Variants in CYP4A22 observed in about 807,000 individuals in gnomAD.
CYP4A22 encodes cytochrome P450 family 4 subfamily A member 22, also known as cytochrome P450 4A22.
Under a neutral mutation model 56.2 loss-of-function variants are expected in CYP4A22, and 46 were observed. The observed-to-expected ratio is 0.82, with a 90% confidence interval of 0.65 to 1.05. The LOEUF (loss-of-function observed/expected upper bound fraction) is 1.05. Among genes scored for constraint, CYP4A22 ranks in the 50% least tolerant of loss-of-function variants. The probability of loss-of-function intolerance (pLI) is 0.00; values close to 1 mark genes in which losing one functional copy is unlikely to be tolerated. For missense variants in CYP4A22, 541 were observed against 645.9 expected, an observed-to-expected ratio of 0.84 and a Z score of 1.76; for synonymous variants, 193 against 251.1, an observed-to-expected ratio of 0.77 and a Z score of 2.19.
intron 3 of CYP4A22, 134 bp downstream of exon 3, chr1:47,141,749 C>G: frequency 8.2e-7 from 1 of 1,218,328 alleles, no homozygotes; most frequent in South Asian, 1.7e-5. Context: ...TTTCCCTCTT[C>G]TAACAAGACC....
intron 1 of CYP4A22, among the ~76,000 whole-genome samples, chr1:47,138,589 A>T (rs1265066048): frequency 2.6e-5 from 4 of 152,270 alleles, no homozygotes; most frequent in Non-Finnish European, 5.9e-5. Flanking sequence ...GGCCCGACAC[A>T]AATTCGTAAA....
chr1:47,143,478 G>A (rs1276541257), intron 5 of CYP4A22, 85 bp downstream of exon 5: 6 of 1,507,278 alleles, frequency 4.0e-6, no homozygotes, highest in Non-Finnish European at 5.3e-6. Context: ...GCAGCGTGAA[G>A]GCTCACCGCC....
At chr1:47,143,417 A>C in intron 5 of CYP4A22, 24 bp downstream of exon 5, 1 of 1,573,888 alleles carries the variant, frequency 6.4e-7, no homozygotes, top group Non-Finnish European at 8.6e-7. Context: ...CTCCAGCTGC[A>C]GGGCCCTTGT....
chr1:47,148,094 C>T (rs949955665), intron 11 of CYP4A22, among the ~76,000 whole-genome samples: 7 of 152,152 alleles, frequency 4.6e-5, no homozygotes, highest in African/African-American at 1.4e-4. Context: ...CTCCAGGAAG[C>T]CTCCCACTGC....
chr1:47,141,535 T>G, intron 2 of CYP4A22, 36 bp from the exon 3 acceptor site: 2 of 1,609,982 alleles, frequency 1.2e-6, no homozygotes, highest in Non-Finnish European at 1.7e-6. Context: ...TCTTAGTAAC[T>G]CCTAGTTTCC....
chr1:47,148,849 T>G lies in CYP4A22; in HGVS notation c.*52T>G. The stretch of plus-strand genomic sequence containing the variant: ...CTGACCCCCACTCCTATCTCCTGCC[T>G]GTCTGCCTCTGTCCTGCTTTCTGTC... On this transcript the variant is annotated 3_prime_UTR_variant, in exon 12 of 12. Coordinates refer to ENST00000371891, the MANE Select transcript of CYP4A22 (RefSeq NM_001010969.4). The G allele has an allele frequency of 1.3e-6, 2 of 1,545,876 alleles. No individual in the cohort carries two copies. Among genetic ancestry groups the G allele is most frequent in the African/African-American group, 2.7e-5 (2 of 73,098 alleles).
In CYP4A22 at chr1:47,143,276, G is replaced by C; in HGVS notation, c.518G>C (p.Trp173Ser). ...ADSVRVMLDK[W>S]EELLGQDSPL... is the part of the protein sequence containing the mutation. Reference sequence around the variant, plus strand: ...TGCCCCCTCCCACCACAGGACAAATGGGAAGAGCTCCTTGGCCAGGATTCC... The same window carrying C: ...TGCCCCCTCCCACCACAGGACAAATCGGAAGAGCTCCTTGGCCAGGATTCC... Residue 173 changes from tryptophan (W) to serine (S), a missense_variant, in exon 5 of 12, where the codon TGG (tryptophan) becomes TCG (serine). This residue lies in a region of CYP4A22 where 335 missense variants were observed against 361.2 expected (regional missense o/e 0.93). Transcript: ENST00000371891. 1 of 1,611,912 alleles carries C rather than the reference G, an allele frequency of 6.2e-7. No individual in the cohort carries two copies. Among genetic ancestry groups the C allele is most frequent in the Non-Finnish European group, 8.5e-7 (1 of 1,178,932 alleles).
chr1:47,140,217 G>A (rs895968187), intron 1 of CYP4A22, among the ~76,000 whole-genome samples: 3 of 152,124 alleles, frequency 2.0e-5, no homozygotes, highest in African/African-American at 7.2e-5. Flanking sequence ...CATATACTCA[G>A]ACTCCATCCC....
intron 11 of CYP4A22, chr1:47,146,668 A>G (rs889471165): frequency 2.0e-5 from 20 of 998,748 alleles, no homozygotes; most frequent in African/African-American, 8.7e-5. Context: ...CCTACCTTTC[A>G]AGCCATATAA....
rs1387916045 is a variant in CYP4A22 at position 47,137,578 on chromosome 1, G to A, written c.93G>A (p.Leu31=). Residue 31 remains leucine (L), a synonymous_variant, in exon 1 of 12, where the codon CTG becomes CTA. Coordinates refer to ENST00000371891, the MANE Select transcript of CYP4A22 (RefSeq NM_001010969.4). Reference sequence around the variant, plus strand: ...CCCTGCTCATTCTGCTTCTGCTGCTGATCAAGGCAGCTCAGCTCTACCTGC... The same window carrying A: ...CCCTGCTCATTCTGCTTCTGCTGCTAATCAAGGCAGCTCAGCTCTACCTGC... The part of the protein sequence containing the change: ...VTSLLILLLL[L]IKAAQLYLHR... 6.2e-7 allele frequency: 1 copy of A among 1,614,216 alleles called. No homozygotes were observed. The highest frequency in any genetic ancestry group is 1.7e-5 in the Admixed American group (1 of 60,018).
rs1645034428 is a variant in CYP4A22 at position 47,143,305 on chromosome 1, C to G, written c.547C>G (p.Leu183Val). The G allele has an allele frequency of 6.2e-7, 1 of 1,613,926 alleles. No homozygotes were observed. ...AGAGCTCCTTGGCCAGGATTCCCCTCTGGAGGTCTTTCAGCACGTCTCCTT... is the reference window on the plus strand; with the variant it reads ...AGAGCTCCTTGGCCAGGATTCCCCTGTGGAGGTCTTTCAGCACGTCTCCTT... The part of the protein sequence containing the change: ...WEELLGQDSP[L>V]EVFQHVSLMT... Residue 183 changes from leucine to valine, a missense_variant, in exon 5 of 12, where the codon CTG (leucine) becomes GTG (valine). This residue lies in a region of CYP4A22 where 335 missense variants were observed against 361.2 expected (regional missense o/e 0.93). Coordinates refer to ENST00000371891, the MANE Select transcript of CYP4A22 (RefSeq NM_001010969.4).
chr1:47,147,136 T>C (rs1557650455), intron 11 of CYP4A22: 8 of 985,334 alleles, frequency 8.1e-6, no homozygotes, highest in Non-Finnish European at 9.6e-6. Context: ...GAAATAATTA[T>C]GTGACTTCTT....
At position 47,138,388 on chromosome 1, in the gene CYP4A22, A is replaced by G. The variant is rs559575075; in HGVS notation, c.195+708A>G. 4.6e-5 allele frequency among the ~76,000 whole-genome samples: 7 copies of G among 152,268 alleles called. No homozygotes were observed. The South Asian group carries it at 8.3e-4, about 18-fold the overall frequency. On this transcript the variant is annotated intron_variant, in intron 1 of 11. Coordinates refer to ENST00000371891, the MANE Select transcript of CYP4A22 (RefSeq NM_001010969.4). Reference sequence around the variant, plus strand: ...TTGAGTTGCACATTGAACAGGGTGTATTGACCTCCTGGCTCTCCTCCCACG... The same window carrying G: ...TTGAGTTGCACATTGAACAGGGTGTGTTGACCTCCTGGCTCTCCTCCCACG...
Position 47,143,859 on chromosome 1 carries a change from C to A in CYP4A22, c.733C>A (p.Leu245Met), listed in dbSNP as rs550279903. 1.1e-4 allele frequency: 172 copies of A among 1,614,194 alleles called. 2 individuals carry two copies. In the East Asian group the frequency reaches 3.8e-3, roughly 36 times the overall value. The change falls in exon 6 of 12, where the codon CTG (leucine) becomes ATG (methionine). Residue 245 changes from leucine (L) to methionine (M), a missense_variant. Coordinates refer to ENST00000371891, the MANE Select transcript of CYP4A22 (RefSeq NM_001010969.4). ...TCATGAGAATGACACCATCTACAGC[C>A]TGACCTCTGCTGGCCGCTGGACACA... is the stretch of plus-strand genomic sequence containing the variant. ...AFHENDTIYS[L>M]TSAGRWTHRA...
At chr1:47,143,986 G>C (rs921552200) in intron 6 of CYP4A22, 70 bp downstream of exon 6, 38 of 1,538,508 alleles carry the variant, frequency 2.5e-5, no homozygotes, top group Admixed American at 4.0e-5. Flanking sequence ...GACTCCTCAG[G>C]CAGAGAAGGT....
chr1:47,146,798 C>A lies in CYP4A22; in HGVS notation c.1364+645C>A, dbSNP rs567637726. The A allele has an allele frequency of 3.7e-4, 367 of 986,592 alleles. No homozygotes were observed. In the African/African-American group the frequency reaches 6.0e-3, roughly 16 times the overall value. 61.1% of individuals were successfully genotyped at this position (986,592 alleles called of 1,614,324 possible). A position where few individuals can be genotyped will look rare whatever the true frequency, so the allele number is the denominator to read the frequency against. On this transcript the variant is annotated intron_variant, in intron 11 of 11. Transcript: ENST00000371891. ...TTATATAGTGTTCACATATTTACAT[C>A]TATTTCCCCATTTGGCAAATTCTGT...
At chr1:47,147,064 C>T (rs1287432344) in intron 11 of CYP4A22, 3 of 985,318 alleles carry the variant, frequency 3.0e-6, no homozygotes, top group African/African-American at 3.5e-5. Context: ...CAGGAATCGT[C>T]CTGTGACATA....
rs1645010246 is a variant in CYP4A22 at position 47,141,612 on chromosome 1, A to T, written c.379A>T (p.Ile127Phe). 3 of 1,613,606 alleles carry T rather than the reference A, an allele frequency of 1.9e-6. No individual in the cohort carries two copies. The highest frequency in any genetic ancestry group is 1.3e-5 in the African/African-American group (1 of 74,898). ...ATCCTACAAATTCCTGGCTCCACGG[A>T]TTGGTATGTGTGCAAACTAGGACTG... ...HGSYKFLAPR[I>F]GYGLLLLNGQ... The change falls in exon 3 of 12, where the codon ATT (isoleucine) becomes TTT (phenylalanine). Residue 127 changes from isoleucine to phenylalanine, a missense_variant. By Grantham distance (21) the Ile-to-Phe change is conservative. This residue lies in a region of CYP4A22 where 335 missense variants were observed against 361.2 expected (regional missense o/e 0.93). Coordinates refer to ENST00000371891, the MANE Select transcript of CYP4A22 (RefSeq NM_001010969.4).
rs1420994573 is a variant in CYP4A22 at position 47,143,485 on chromosome 1, C to T, written c.635+92C>T. ...CAGGTGGGGCAGCGTGAAGGCTCAC[C>T]GCCACACAAAGGAAGAGTCAGTCCC... On this transcript the variant is annotated intron_variant, in intron 5 of 11. Transcript: ENST00000371891. 2.7e-5 allele frequency: 41 copies of T among 1,504,732 alleles called. No homozygotes were observed. In the South Asian group the frequency reaches 3.4e-4, roughly 12 times the overall value. The allele number at this position is 1,504,732 out of a possible 1,614,324, so 93.2% of individuals were successfully genotyped here. A position where few individuals can be genotyped will look rare whatever the true frequency, so the allele number is the denominator to read the frequency against.
Sources: gnomAD v4.1 joint callset for allele counts (sites outside exome capture counted in the v4.1 genomes callset) on GRCh38, gnomAD v4.1.1 for gene constraint, gnomAD v4.1.1 regional missense constraint, MANE v1.5 for transcripts, NCBI Gene and HGNC (gene_info 2026-07-23, HGNC 2026-07-21) for gene names.